Variants in RFX1 observed in about 807,000 individuals in gnomAD.
RFX1 encodes the protein regulatory factor X1.
Under a neutral mutation model 119.6 loss-of-function variants are expected in RFX1, and 42 were observed. The observed-to-expected ratio is 0.35, with a 90% confidence interval of 0.27 to 0.45. The LOEUF (loss-of-function observed/expected upper bound fraction) is 0.45, where lower values mean the gene tolerates loss of function less well. Ranked by LOEUF, RFX1 falls within the 20% of genes least tolerant of loss-of-function variation. RFX1 has a pLI of 1.00. For missense variants in RFX1, 1,118 were observed against 1,368.1 expected (o/e 0.82, Z 2.88); for synonymous variants, 628 against 618.5 (o/e 1.02, Z -0.23).
rs887183613 is a variant in RFX1 at position 13,962,447 on chromosome 19, G to A, written c.*248C>T. The A allele has an allele frequency of 7.9e-6, 4 of 504,556 alleles. No individual in the cohort carries two copies. Among genetic ancestry groups the A allele is most frequent in the African/African-American group, 2.1e-5 (1 of 48,328 alleles). The allele number at this position is 504,556 out of a possible 1,614,324, so 31.3% of individuals were successfully genotyped here. A position where few individuals can be genotyped will look rare whatever the true frequency, so the allele number is the denominator to read the frequency against. ...GCCAAGGGGCCGAGCTGGATGCCCC[G>A]CGGGGCACCTGGGCACGCGGCGGGT... is the stretch of plus-strand genomic sequence containing the variant. On this transcript the variant is annotated 3_prime_UTR_variant, in exon 21 of 21. Coordinates refer to ENST00000254325, the MANE Select transcript of RFX1 (RefSeq NM_002918.5).
At chr19:13,964,720 G>C (rs2145532226) in intron 16 of RFX1, among the ~76,000 whole-genome samples, 1 of 152,188 alleles carries the variant, frequency 6.6e-6, no homozygotes, top group South Asian at 2.1e-4. Context: ...GACCTCAAGT[G>C]ATCCGCCCGC....
At chr19:14,005,906 G>C (rs1975359485) in intron 1 of RFX1, among the ~76,000 whole-genome samples, 197 bp downstream of exon 1, 1 of 151,422 alleles carries the variant, frequency 6.6e-6, no homozygotes, top group African/African-American at 2.4e-5. Context: ...CCCCTCGCGG[G>C]GGCCGGGCCG....
intron 1 of RFX1, 38 bp downstream of exon 1, chr19:14,006,065 C>G (rs972340454): frequency 6.6e-6 from 1 of 151,620 alleles, no homozygotes; most frequent in African/African-American, 2.5e-5. Context: ...CGCCGCCCAC[C>G]CCGGCCCGGC....
At chr19:13,973,470 G>C (rs1974155367) in intron 8 of RFX1, among the ~76,000 whole-genome samples, 1 of 152,164 alleles carries the variant, frequency 6.6e-6, no homozygotes, top group Non-Finnish European at 1.5e-5. Flanking sequence ...AGATTAGCCA[G>C]GCATGCTGGT....
chr19:13,992,418 A>G (rs1974836880), intron 2 of RFX1, among the ~76,000 whole-genome samples: 1 of 152,222 alleles, frequency 6.6e-6, no homozygotes, highest in Admixed American at 6.5e-5. Flanking sequence ...ACTGTGGGAA[A>G]TGCTCAGAGG....
Position 13,983,559 on chromosome 19 carries a change from G to A in RFX1, c.356C>T (p.Ala119Val). 6.2e-7 allele frequency: 1 copy of A among 1,610,434 alleles called. No individual in the cohort carries two copies. The highest frequency in any genetic ancestry group is 1.3e-5 in the African/African-American group (1 of 75,002). ...CTGGCTGGCGGTGGAGCCGGGGCTGGCCTCCGACACTGTCTCGCTGGCCCG... is the reference window on the plus strand; with the variant it reads ...CTGGCTGGCGGTGGAGCCGGGGCTGACCTCCGACACTGTCTCGCTGGCCCG... ...AMRASETVSE[A>V]SPGSTASQTG... Residue 119 changes from alanine to valine, a missense_variant, in exon 3 of 21, where the codon GCC (alanine) becomes GTC (valine). This residue lies in a region of RFX1 where 542 missense variants were observed against 602.7 expected (regional missense o/e 0.90). Coordinates refer to ENST00000254325, the MANE Select transcript of RFX1 (RefSeq NM_002918.5).
Position 13,965,046 on chromosome 19 carries a change from G to A in RFX1, c.2211+403C>T, listed in dbSNP as rs1037749454. ...AATTCCTCACATCTAAGTAGTCAGC[G>A]AATGTGCATCTTTTGATGAAAAAGG... On this transcript the variant is annotated intron_variant, in intron 16 of 20. Transcript: ENST00000254325. This position sits in a 1 kb window ranked among gnomAD's most constrained non-coding sequence, Gnocchi z 4.7. Among the ~76,000 whole-genome samples the A allele has an allele frequency of 2.0e-5, 3 of 152,178 alleles. No homozygotes were observed. The highest frequency in any genetic ancestry group is 3.8e-4 in the East Asian group (2 of 5,200).
intron 2 of RFX1, among the ~76,000 whole-genome samples, chr19:13,984,548 G>C (rs539923905): frequency 6.6e-6 from 1 of 152,078 alleles, no homozygotes; most frequent in African/African-American, 2.4e-5. Flanking sequence ...GGGTAGAGGC[G>C]AGTGTTCCCA....
rs1973727446 is a variant in RFX1 at position 13,962,573 on chromosome 19, G to A, written c.*122C>T. ...AGGGAGGAGGGCCCCGGTCTTCCCT[G>A]TCTCGGAGTCCCCCTCCCTGCCCTG... On this transcript the variant is annotated 3_prime_UTR_variant, in exon 21 of 21. Coordinates refer to ENST00000254325, the MANE Select transcript of RFX1 (RefSeq NM_002918.5). 6 of 809,854 alleles carry A rather than the reference G, an allele frequency of 7.4e-6. No homozygotes were observed. The highest frequency in any genetic ancestry group is 9.2e-6 in the Non-Finnish European group (5 of 541,828). 50.2% of individuals were successfully genotyped at this position (809,854 alleles called of 1,614,324 possible).
Position 13,965,861 on chromosome 19 carries a change from C to T in RFX1, c.1962-84G>A. 1 of 1,508,502 alleles carries T rather than the reference C, an allele frequency of 6.6e-7. No individual in the cohort carries two copies. 93.4% of individuals were successfully genotyped at this position (1,508,502 alleles called of 1,614,324 possible). On this transcript the variant is annotated intron_variant, in intron 14 of 20. Transcript: ENST00000254325. This position sits in a 1 kb window ranked among gnomAD's most constrained non-coding sequence, Gnocchi z 4.7. ...TCAGAAGGGAACAGGTAGCCCCTGT[C>T]CCTGACCCAGGGTCACTGGGGTACT... is the stretch of plus-strand genomic sequence containing the variant.
chr19:13,976,122 T>G (rs1239982969), intron 8 of RFX1, among the ~76,000 whole-genome samples: 1 of 152,146 alleles, frequency 6.6e-6, no homozygotes, highest in African/African-American at 2.4e-5. Context: ...AGTGAAAAGA[T>G]TAGCAGCACT....
Position 13,969,750 on chromosome 19 carries a change from A to C in RFX1, c.1496+244T>G. On this transcript the variant is annotated intron_variant, in intron 10 of 20. Transcript: ENST00000254325. This position sits in a 1 kb window ranked among gnomAD's most constrained non-coding sequence, Gnocchi z 4.5. Reference sequence around the variant, plus strand: ...GGGGTGTCGGGCAGGGGAGAGGGGGAGGCTGCAGTTTTAGTTGAGGCAGTC... The same window carrying C: ...GGGGTGTCGGGCAGGGGAGAGGGGGCGGCTGCAGTTTTAGTTGAGGCAGTC... The C allele has an allele frequency of 1.2e-5, 5 of 418,450 alleles. No individual in the cohort carries two copies. The highest frequency in any genetic ancestry group is 2.0e-5 in the African/African-American group (1 of 49,202). 25.9% of individuals were successfully genotyped at this position (418,450 alleles called of 1,614,324 possible).
chr19:13,976,528 G>A (rs62122105), intron 8 of RFX1, among the ~76,000 whole-genome samples: 104 of 152,238 alleles, frequency 6.8e-4, no homozygotes, highest in Non-Finnish European at 1.1e-3. Flanking sequence ...CCCAGGGAGG[G>A]GAAGAAGCCC....
rs1555752899 is a variant in RFX1, at chr19:13,980,731, T to TGCATCCTCTCCGGGGTGGGCTC, written c.622-43_622-42insGAGCCCACCCCGGAGAGGATGC. 2 of 1,201,600 alleles carry TGCATCCTCTCCGGGGTGGGCTC rather than the reference T, an allele frequency of 1.7e-6. No homozygotes were observed. The highest frequency in any genetic ancestry group is 2.4e-6 in the Non-Finnish European group (2 of 842,434). 74.4% of individuals were successfully genotyped at this position (1,201,600 alleles called of 1,614,324 possible). On this transcript the variant is annotated intron_variant, in intron 5 of 20. Transcript: ENST00000254325. This position sits in a 1 kb window ranked among gnomAD's most constrained non-coding sequence, Gnocchi z 5.1. ...CACAGGAGTGCCGCTGGGGTGGGCT[T>TGCATCCTCTCCGGGGTGGGCTC]GCATCCTCTCTGAGGTGGGCTCACA...
Position 13,980,807 on chromosome 19 carries a change from AC to A in RFX1, c.622-119del. On this transcript the variant is annotated intron_variant, in intron 5 of 20. Transcript: ENST00000254325. This position sits in a 1 kb window ranked among gnomAD's most constrained non-coding sequence, Gnocchi z 5.1. ...CTGGGGAGGGCGGCAGTCTGTGGGG[AC>A]CTATCCCAACCACCGAGGCTGGTAA... The A allele has an allele frequency of 1.7e-6, 1 of 598,042 alleles. No homozygotes were observed. The highest frequency in any genetic ancestry group is 2.0e-5 in the South Asian group (1 of 49,206). The allele number at this position is 598,042 out of a possible 1,614,324, so 37.0% of individuals were successfully genotyped here. A position where few individuals can be genotyped will look rare whatever the true frequency, so the allele number is the denominator to read the frequency against.
intron 6 of RFX1, among the ~76,000 whole-genome samples, chr19:13,979,875 T>C (rs1974373684): frequency 6.6e-6 from 1 of 152,114 alleles, no homozygotes; most frequent in South Asian, 2.1e-4. Context: ...GTGTGCCCTG[T>C]TCTGTGCTGT....
intron 1 of RFX1, among the ~76,000 whole-genome samples, chr19:14,005,863 G>A (rs1292516641): frequency 1.4e-5 from 2 of 147,632 alleles, no homozygotes; most frequent in East Asian, 2.0e-4. Flanking sequence ...CCGGCCTGCC[G>A]ACCTCCACTC....
intron 2 of RFX1, among the ~76,000 whole-genome samples, chr19:13,984,242 G>A (rs1050172325): frequency 3.8e-4 from 29 of 75,906 alleles, no homozygotes; most frequent in African/African-American, 1.4e-3. Context: ...CACCCCGTCC[G>A]CCTGTCCGTC....
chr19:13,990,663 A>C lies in RFX1; in HGVS notation c.319+2862T>G, dbSNP rs546330280. On this transcript the variant is annotated intron_variant, in intron 2 of 20. Transcript: ENST00000254325. This position sits in a 1 kb window ranked among gnomAD's most constrained non-coding sequence, Gnocchi z 4.1. ...AAACCCCGTCTCTACTAAAAATACA[A>C]AAAATTAGCCAGGCATGGTGGCGGG... is the stretch of plus-strand genomic sequence containing the variant. Among the ~76,000 whole-genome samples the C allele has an allele frequency of 6.6e-6, 1 of 152,226 alleles. No homozygotes were observed. Among genetic ancestry groups the C allele is most frequent in the South Asian group, 2.1e-4 (1 of 4,818 alleles).
Sources: allele counts gnomAD v4.1 joint callset (sites outside exome capture counted in the v4.1 genomes callset), GRCh38; gene constraint gnomAD v4.1.1; regional missense constraint gnomAD v4.1.1; non-coding constraint Gnocchi (gnomAD v3.1); transcripts MANE v1.5; gene names NCBI Gene and HGNC (gene_info 2026-07-23, HGNC 2026-07-21).